The following PLEKHO2 variants were observed in gnomAD, a reference collection of about 807,000 sequenced individuals.
PLEKHO2 encodes pleckstrin homology domain containing O2.
A neutral mutation model predicts 32.7 loss-of-function variants in PLEKHO2; 20 were observed. The ratio of observed to expected loss-of-function variants is 0.61; its 90% confidence interval spans 0.43 to 0.89. The LOEUF is 0.89. Among genes scored for constraint, PLEKHO2 ranks in the 40% least tolerant of loss-of-function variants. PLEKHO2 has a pLI of 0.00. For synonymous variants in PLEKHO2, 247 were observed against 246.3 expected, an observed-to-expected ratio of 1.00 and a Z score of -0.03; for missense variants, 568 against 621.2, an observed-to-expected ratio of 0.91 and a Z score of 0.91.
At chr15:64,843,926 T>A (rs1038421686) in intron 1 of PLEKHO2, among the ~76,000 whole-genome samples, 1 of 152,134 alleles carries the variant, frequency 6.6e-6, no homozygotes, top group African/African-American at 2.4e-5. Flanking sequence ...TCTCTAAATA[T>A]CTGGGCCATC....
intron 1 of PLEKHO2, among the ~76,000 whole-genome samples, chr15:64,842,551 C>T (rs1446544814): frequency 6.6e-6 from 1 of 151,546 alleles, no homozygotes. Context: ...TGTGACCATG[C>T]TTTGGTGGCA....
At chr15:64,856,289 T>G (rs961210432) in intron 3 of PLEKHO2, among the ~76,000 whole-genome samples, 2 of 152,108 alleles carry the variant, frequency 1.3e-5, no homozygotes, top group Non-Finnish European at 2.9e-5. Context: ...ATGCAAAGTA[T>G]GTTCTGTGTG....
rs2084682275 is a variant in PLEKHO2 at position 64,865,863 on chromosome 15, C to A, written c.1448C>A (p.Thr483Asn). 1 of 1,608,254 alleles carries A rather than the reference C, an allele frequency of 6.2e-7. No homozygotes were observed. Among genetic ancestry groups the A allele is most frequent in the Non-Finnish European group, 8.5e-7 (1 of 1,179,858 alleles). ...AGGGAGAAGCGGAAGGAGCTGGTGA[C>A]CCTCTACAGGAGAAGTGCACCCTAG... ...GLREKRKELV[T>N]LYRRSAP The change falls in exon 6 of 6, where the codon ACC becomes AAC. Residue 483 changes from threonine (T) to asparagine (N), a missense_variant. Transcript: ENST00000323544.
intron 5 of PLEKHO2, among the ~76,000 whole-genome samples, chr15:64,863,719 C>T (rs2084660811): frequency 6.7e-6 from 1 of 150,116 alleles, no homozygotes; most frequent in Non-Finnish European, 1.5e-5. Flanking sequence ...TGCCACTGCA[C>T]TCAGCTTGGG....
intron 1 of PLEKHO2, among the ~76,000 whole-genome samples, chr15:64,845,003 T>C (rs1334029224): frequency 6.6e-6 from 1 of 152,162 alleles, no homozygotes. Context: ...GTGCTTCCTC[T>C]CTCTCAATGC....
intron 3 of PLEKHO2, among the ~76,000 whole-genome samples, chr15:64,859,549 T>TG (rs1305559544): frequency 6.6e-6 from 1 of 152,142 alleles, no homozygotes; most frequent in African/African-American, 2.4e-5. Context: ...ATGGGTGGTG[T>TG]GGGGTGGGTT....
rs143899252 is a variant in PLEKHO2 at position 64,866,601 on chromosome 15, G to T, written c.*713G>T. 53 of 339,492 alleles carry T rather than the reference G, an allele frequency of 1.6e-4. No homozygotes were observed. The East Asian group carries it at 3.8e-3, about 24-fold the overall frequency. 21.0% of individuals were successfully genotyped at this position (339,492 alleles called of 1,614,324 possible). A position where few individuals can be genotyped will look rare whatever the true frequency, so the allele number is the denominator to read the frequency against. On this transcript the variant is annotated 3_prime_UTR_variant, in exon 6 of 6. Transcript: ENST00000323544. ...CAGTGAGCTATGATTGGAGGGCTTAGGTCTGGAGGATTCAAGAGTGGAAGA... is the reference window on the plus strand; with the variant it reads ...CAGTGAGCTATGATTGGAGGGCTTATGTCTGGAGGATTCAAGAGTGGAAGA...
Position 64,865,830 on chromosome 15 carries a change from C to G in PLEKHO2, c.1415C>G (p.Pro472Arg). 6.2e-7 allele frequency: 1 copy of G among 1,613,108 alleles called. No homozygotes were observed. The highest frequency in any genetic ancestry group is 8.5e-7 in the Non-Finnish European group (1 of 1,180,026). ...TTGGGAGAGCTGAGCCAGGAAGCAC[C>G]TGGGCTAAGGGAGAAGCGGAAGGAG... ...RDLGELSQEAPGLREKRKELV... is the reference protein window; with the variant it reads ...RDLGELSQEARGLREKRKELV... Residue 472 changes from proline (P) to arginine (R), a missense_variant, in exon 6 of 6, where the codon CCT becomes CGT. By Grantham distance (103) the Pro-to-Arg change is moderately radical. Transcript: ENST00000323544.
intron 3 of PLEKHO2, among the ~76,000 whole-genome samples, chr15:64,855,496 G>A (rs1451509503): frequency 2.0e-5 from 3 of 152,182 alleles, no homozygotes; most frequent in Admixed American, 2.0e-4. Flanking sequence ...CTTTGTGGGT[G>A]GGCCCACCCT....
intron 2 of PLEKHO2, among the ~76,000 whole-genome samples, chr15:64,849,604 C>G (rs550847585): frequency 6.6e-6 from 1 of 151,460 alleles, no homozygotes; most frequent in Non-Finnish European, 1.5e-5. Flanking sequence ...CTACCACACC[C>G]GGCTAATTTT....
chr15:64,865,920 G>A lies in PLEKHO2; in HGVS notation c.*32G>A. On this transcript the variant is annotated 3_prime_UTR_variant, in exon 6 of 6. Coordinates refer to ENST00000323544, the MANE Select transcript of PLEKHO2 (RefSeq NM_025201.5). The stretch of plus-strand genomic sequence containing the variant: ...CTGGGCCAGAGGCACCATCCCTTCT[G>A]GCCATCCATCAAGTCCATCAAGGCC... The A allele has an allele frequency of 6.3e-7, 1 of 1,576,302 alleles. No individual in the cohort carries two copies. Among genetic ancestry groups the A allele is most frequent in the South Asian group, 1.1e-5 (1 of 88,646 alleles).
chr15:64,854,862 T>C, intron 2 of PLEKHO2, 59 bp from the exon 3 acceptor site: 1 of 1,333,326 alleles, frequency 7.5e-7, no homozygotes, highest in East Asian at 2.3e-5. Flanking sequence ...CATGAGTAGT[T>C]GAGGGTGGTG....
At chr15:64,846,400 C>T (rs1228811490) in intron 1 of PLEKHO2, among the ~76,000 whole-genome samples, 1 of 152,078 alleles carries the variant, frequency 6.6e-6, no homozygotes, top group Non-Finnish European at 1.5e-5. Flanking sequence ...ACAACCTCCG[C>T]CTTCCTGGCT....
At chr15:64,860,316 TG>T (rs1291748668) in intron 4 of PLEKHO2, among the ~76,000 whole-genome samples, 9 of 152,238 alleles carry the variant, frequency 5.9e-5, no homozygotes, top group African/African-American at 1.9e-4. Context: ...AAGCAGCAGG[TG>T]GGCCCAGGCC....
At chr15:64,860,020 T>A (rs1352607625) in intron 4 of PLEKHO2, 22 bp downstream of exon 4, 1 of 1,592,500 alleles carries the variant, frequency 6.3e-7, no homozygotes, top group Non-Finnish European at 8.6e-7. Flanking sequence ...TCTGTGGACA[T>A]GGACAGCTCT....
chr15:64,842,065 C>G (rs2084487964), intron 1 of PLEKHO2, 37 bp downstream of exon 1: 1 of 1,232,858 alleles, frequency 8.1e-7, no homozygotes. Flanking sequence ...GGGCTGGGGT[C>G]CTCGAGCCCC....
chr15:64,848,612 A>G lies in PLEKHO2; in HGVS notation c.32A>G (p.Glu11Gly). MEEEGVKEAG[E>G]KPRGAQMVDK... ...TTACAGGGTGTGAAGGAAGCCGGTGAGAAGCCTCGGGGAGCACAGATGGTG... is the reference window on the plus strand; with the variant it reads ...TTACAGGGTGTGAAGGAAGCCGGTGGGAAGCCTCGGGGAGCACAGATGGTG... The change falls in exon 2 of 6, where the codon GAG becomes GGG. Residue 11 changes from glutamate (E) to glycine (G), a missense_variant. By Grantham distance (98) the Glu-to-Gly change is moderately conservative (BLOSUM62 -2). Transcript: ENST00000323544. 1 of 1,614,214 alleles carries G rather than the reference A, an allele frequency of 6.2e-7. No individual in the cohort carries two copies. The highest frequency in any genetic ancestry group is 1.7e-5 in the Admixed American group (1 of 60,024).
intron 3 of PLEKHO2, among the ~76,000 whole-genome samples, chr15:64,855,408 C>A (rs2140342113): frequency 6.6e-6 from 1 of 152,240 alleles, no homozygotes; most frequent in African/African-American, 2.4e-5. Flanking sequence ...GTGGTTGAGG[C>A]CTCCACCCTG....
chr15:64,848,667 T>A lies in PLEKHO2; in HGVS notation c.87T>A (p.Ser29Arg). The A allele has an allele frequency of 6.2e-7, 1 of 1,614,106 alleles. No homozygotes were observed. Among genetic ancestry groups the A allele is most frequent in the Non-Finnish European group, 8.5e-7 (1 of 1,180,018 alleles). ...AGGCTGGCTGGATCAAGAAGAGCAGTGGGGGCCTCCTGGGTTTCTGGAAAG... is the reference window on the plus strand; with the variant it reads ...AGGCTGGCTGGATCAAGAAGAGCAGAGGGGGCCTCCTGGGTTTCTGGAAAG... ...VDKAGWIKKS[S>R]GGLLGFWKDR... is the part of the protein sequence containing the mutation. The change falls in exon 2 of 6, where the codon AGT becomes AGA. Residue 29 changes from serine to arginine, a missense_variant. Coordinates refer to ENST00000323544, the MANE Select transcript of PLEKHO2 (RefSeq NM_025201.5).
Sources: gnomAD v4.1 joint callset for allele counts (sites outside exome capture counted in the v4.1 genomes callset) on GRCh38, gnomAD v4.1.1 for gene constraint, MANE v1.5 for transcripts, NCBI Gene and HGNC (gene_info 2026-07-23, HGNC 2026-07-21) for gene names.